MAP3K5: variants seen among roughly 807,000 people sequenced by gnomAD.
MAP3K5 encodes mitogen-activated protein kinase kinase kinase 5.
MAP3K5 carries 56 observed loss-of-function variants against 158.7 expected under a neutral mutation model. That is an observed-to-expected ratio of 0.35 (90% CI 0.28 to 0.44). MAP3K5 has a LOEUF of 0.44. Among genes scored for constraint, MAP3K5 ranks in the 20% least tolerant of loss-of-function variants. The pLI is 1.00. For synonymous variants in MAP3K5, 579 were observed against 601.7 expected (o/e 0.96, Z 0.55); for missense variants, 1,294 against 1,674.8 (o/e 0.77, Z 3.97).
chr6:136,671,440 T>C (rs528086234), intron 7 of MAP3K5, among the ~76,000 whole-genome samples: 3 of 152,158 alleles, frequency 2.0e-5, no homozygotes, highest in Non-Finnish European at 4.4e-5. Context: ...GAGGAAAAAG[T>C]CTTAATGTTT....
intron 3 of MAP3K5, among the ~76,000 whole-genome samples, chr6:136,704,432 T>C (rs1484874849): frequency 6.6e-6 from 1 of 152,198 alleles, no homozygotes; most frequent in Non-Finnish European, 1.5e-5. Context: ...CATGGAAACA[T>C]ACTATAGACA....
intron 22 of MAP3K5, 42 bp downstream of exon 22, chr6:136,592,395 T>C: frequency 6.2e-7 from 1 of 1,607,160 alleles, no homozygotes; most frequent in South Asian, 1.1e-5. Flanking sequence ...ATGACACACT[T>C]AACAACACAC....
At chr6:136,778,013 A>G (rs779782430) in intron 1 of MAP3K5, among the ~76,000 whole-genome samples, 2 of 152,262 alleles carry the variant, frequency 1.3e-5, no homozygotes, top group Non-Finnish European at 2.9e-5. Context: ...AATACAAAGG[A>G]CTTCAAATTC....
chr6:136,751,947 CTAG>C (rs1467197471), intron 1 of MAP3K5, among the ~76,000 whole-genome samples: 2 of 152,144 alleles, frequency 1.3e-5, no homozygotes, highest in African/African-American at 4.8e-5. Context: ...CAGTTGGATT[CTAG>C]TTAAATTTAT....
At chr6:136,747,795 T>C (rs1783025755) in intron 1 of MAP3K5, among the ~76,000 whole-genome samples, 1 of 152,222 alleles carries the variant, frequency 6.6e-6, no homozygotes, top group Non-Finnish European at 1.5e-5. Context: ...TGCTGCTGTG[T>C]AGGGACCACA....
intron 2 of MAP3K5, among the ~76,000 whole-genome samples, chr6:136,710,900 T>C (rs970063606): frequency 1.3e-5 from 2 of 152,158 alleles, no homozygotes; most frequent in Admixed American, 1.3e-4. Flanking sequence ...ATAATCCCTA[T>C]ACTCCTCAGC....
chr6:136,605,272 A>G lies in MAP3K5; in HGVS notation c.2616T>C (p.Ile872=). Reference sequence around the variant, plus strand: ...ATGGGGGTTTTCCTGTGGCCATTTCAATGATTGTACAGCCCAGAGACCAGA... The same window carrying G: ...ATGGGGGTTTTCCTGTGGCCATTTCGATGATTGTACAGCCCAGAGACCAGA... ...ADIWSLGCTI[I]EMATGKPPFY... is the part of the protein sequence containing the mutation. Residue 872 remains isoleucine, a synonymous_variant, in exon 19 of 30, where the codon ATT becomes ATC. Coordinates refer to ENST00000359015, the MANE Select transcript of MAP3K5 (RefSeq NM_005923.4). 4 of 1,614,180 alleles carry G rather than the reference A, an allele frequency of 2.5e-6. No homozygotes were observed. The highest frequency in any genetic ancestry group is 3.4e-6 in the Non-Finnish European group (4 of 1,180,018).
chr6:136,691,003 C>T (rs1367524162), intron 7 of MAP3K5, among the ~76,000 whole-genome samples: 5 of 151,948 alleles, frequency 3.3e-5, no homozygotes, highest in Non-Finnish European at 5.9e-5. Context: ...TCTTTCAGCA[C>T]TTTAATGTTA....
chr6:136,682,847 T>C lies in MAP3K5; in HGVS notation c.1253+11293A>G, dbSNP rs552790297. 1.2e-4 allele frequency among the ~76,000 whole-genome samples: 19 copies of C among 152,286 alleles called. No individual in the cohort carries two copies. In the South Asian group the frequency reaches 2.7e-3, roughly 22 times the overall value. On this transcript the variant is annotated intron_variant, in intron 7 of 29. Transcript: ENST00000359015. The stretch of plus-strand genomic sequence containing the variant: ...ACATGGTGCCACAATAGCCCTGATA[T>C]ATGAAATTCAGACAGGGCCTGTGTA...
chr6:136,581,107 G>T lies in MAP3K5; in HGVS notation c.3412-701C>A, dbSNP rs555523753. 2.0e-5 allele frequency among the ~76,000 whole-genome samples: 3 copies of T among 152,312 alleles called. No homozygotes were observed. In the South Asian group the frequency reaches 6.2e-4, roughly 32 times the overall value. On this transcript the variant is annotated intron_variant, in intron 24 of 29. Transcript: ENST00000359015. ...ACTAAAACTCTATACTCATTAAACA[G>T]TAAGTTCCCATTTCTCCCTCCCCAC...
intron 15 of MAP3K5, among the ~76,000 whole-genome samples, chr6:136,618,628 A>G (rs929761486): frequency 6.6e-6 from 1 of 152,214 alleles, no homozygotes; most frequent in African/African-American, 2.4e-5. Flanking sequence ...ACCTCGTTAA[A>G]TTTCATATTG....
chr6:136,604,833 T>G (rs982190421), intron 19 of MAP3K5, among the ~76,000 whole-genome samples: 2 of 152,198 alleles, frequency 1.3e-5, no homozygotes, highest in African/African-American at 4.8e-5. Context: ...AATTATTAAT[T>G]TTGGTTTAAT....
intron 20 of MAP3K5, 65 bp from the exon 21 acceptor site, chr6:136,601,107 T>TCAA (rs1775855902): frequency 6.5e-7 from 1 of 1,534,472 alleles, no homozygotes; most frequent in Admixed American, 1.7e-5. Context: ...AACTGAGAAA[T>TCAA]CAACAAAAAA....
Position 136,663,322 on chromosome 6 carries a change from T to C in MAP3K5, c.1367-3944A>G, listed in dbSNP as rs561336146. Reference sequence around the variant, plus strand: ...TTCAACAATCGTTAACATTTTGCTATTGCTTCATCTCCCTGAATATTTCTG... The same window carrying C: ...TTCAACAATCGTTAACATTTTGCTACTGCTTCATCTCCCTGAATATTTCTG... On this transcript the variant is annotated intron_variant, in intron 8 of 29. Transcript: ENST00000359015. 3.3e-5 allele frequency among the ~76,000 whole-genome samples: 5 copies of C among 152,358 alleles called. No homozygotes were observed. The South Asian group carries it at 1.0e-3, about 32-fold the overall frequency.
intron 21 of MAP3K5, among the ~76,000 whole-genome samples, chr6:136,593,213 T>C (rs1295352017): frequency 6.6e-6 from 1 of 152,264 alleles, no homozygotes; most frequent in African/African-American, 2.4e-5. Flanking sequence ...ATGGACTAGA[T>C]GATCTCTTAG....
chr6:136,687,962 A>G (rs1209280029), intron 7 of MAP3K5, among the ~76,000 whole-genome samples: 2 of 152,314 alleles, frequency 1.3e-5, no homozygotes, highest in African/African-American at 2.4e-5. Flanking sequence ...ATAAAGACCC[A>G]TGCACACACA....
intron 1 of MAP3K5, among the ~76,000 whole-genome samples, chr6:136,742,836 G>A (rs1352182193): frequency 6.6e-6 from 1 of 152,140 alleles, no homozygotes; most frequent in African/African-American, 2.4e-5. Flanking sequence ...TAAAAAATGG[G>A]CCAAAGACCT....
At chr6:136,628,713 G>T (rs993394652) in intron 14 of MAP3K5, among the ~76,000 whole-genome samples, 4 of 152,186 alleles carry the variant, frequency 2.6e-5, no homozygotes, top group African/African-American at 9.7e-5. Context: ...GCTGACTCCT[G>T]TTAAACAAAA....
chr6:136,728,764 G>A (rs920248747), intron 1 of MAP3K5, among the ~76,000 whole-genome samples: 1 of 152,068 alleles, frequency 6.6e-6, no homozygotes, highest in Non-Finnish European at 1.5e-5. Flanking sequence ...TTCTTATTTG[G>A]TGACATTGTA....
Sources: gnomAD v4.1 joint callset for allele counts (sites outside exome capture counted in the v4.1 genomes callset) on GRCh38, gnomAD v4.1.1 for gene constraint, MANE v1.5 for transcripts, NCBI Gene and HGNC (gene_info 2026-07-23, HGNC 2026-07-21) for gene names.